Variants in SYN2 observed in about 807,000 individuals in gnomAD.
SYN2 encodes the protein synapsin II.
Under a neutral mutation model 50.9 loss-of-function variants are expected in SYN2, and 19 were observed. The ratio of observed to expected loss-of-function variants is 0.37; its 90% CI spans 0.26 to 0.55. The LOEUF (loss-of-function observed/expected upper bound fraction) is 0.55. SYN2 is among the 20% of genes least tolerant of loss of function. The pLI is 0.81. For missense variants in SYN2, 587 were observed against 576.4 expected (o/e 1.02, Z -0.19); for synonymous variants, 255 against 224.9 (o/e 1.13, Z -1.20).
chr3:12,036,509 GA>G (rs1694501411), intron 1 of SYN2, among the ~76,000 whole-genome samples: 1 of 152,190 alleles, frequency 6.6e-6, no homozygotes, highest in Non-Finnish European at 1.5e-5. Context: ...TGGGGAGTCT[GA>G]GGAACACTGT....
chr3:12,160,692 G>T (rs1346840159), intron 5 of SYN2, among the ~76,000 whole-genome samples: 4 of 152,220 alleles, frequency 2.6e-5, no homozygotes, highest in Non-Finnish European at 4.4e-5. Context: ...GGCCCAGTGA[G>T]ATACAGTGAC....
rs543597964 is a variant in SYN2 at position 12,161,467 on chromosome 3, T to A, written c.775-79T>A. 3.2e-5 allele frequency: 49 copies of A among 1,535,468 alleles called. No homozygotes were observed. In the African/African-American group the frequency reaches 5.3e-4, roughly 17 times the overall value. On this transcript the variant is annotated intron_variant, in intron 5 of 12. Transcript: ENST00000621198. ...CTTTAAAGAACCCTCCCAAGGGTAT[T>A]CCCAAGAAAAATATGTGTAGGATTC...
intron 1 of SYN2, among the ~76,000 whole-genome samples, chr3:12,079,788 G>T (rs1019336737): frequency 5.9e-5 from 9 of 152,092 alleles, no homozygotes; most frequent in Admixed American, 5.2e-4. Flanking sequence ...TCTCTGCCAG[G>T]TTTTGATATA....
chr3:12,153,452 A>G (rs966760874), intron 5 of SYN2: 6 of 1,585,662 alleles, frequency 3.8e-6, no homozygotes, highest in African/African-American at 1.3e-5. Flanking sequence ...AAAGCTCTGC[A>G]GGGAAGGAGA....
Position 12,191,842 on chromosome 3 carries a change from C to G in SYN2, c.*1217C>G, listed in dbSNP as rs1237717332. Among the ~76,000 whole-genome samples the G allele has an allele frequency of 6.6e-6, 1 of 152,150 alleles. No homozygotes were observed. Among genetic ancestry groups the G allele is most frequent in the Middle Eastern group, 3.2e-3 (1 of 316 alleles). On this transcript the variant is annotated 3_prime_UTR_variant, in exon 13 of 13. Coordinates refer to ENST00000621198, the MANE Select transcript of SYN2 (RefSeq NM_133625.6). ...ATGAGGCTGGACCAACCTGCTCTGA[C>G]AACCAGGCTCCCACAGATCTCAACG...
rs1436724473 is a variant in SYN2, at chr3:12,151,253, C to T, written c.701C>T (p.Ala234Val). 2 of 1,612,792 alleles carry T rather than the reference C, an allele frequency of 1.2e-6. No individual in the cohort carries two copies. The highest frequency in any genetic ancestry group is 2.2e-5 in the East Asian group (1 of 44,880). ...DKPWVFAQLV[A>V]IYKTLGGEKF... ...CTTTTGCAGTTTGCCCAGCTGGTCG[C>T]TATCTATAAGACACTGGGAGGAGAA... Residue 234 changes from alanine to valine, a missense_variant, in exon 5 of 13, where the codon GCT becomes GTT. Coordinates refer to ENST00000621198, the MANE Select transcript of SYN2 (RefSeq NM_133625.6).
At chr3:12,057,313 GTGTGTGTGTGTA>G (rs1201852014) in intron 1 of SYN2, among the ~76,000 whole-genome samples, 4 of 151,586 alleles carry the variant, frequency 2.6e-5, no homozygotes, top group African/African-American at 4.8e-5. Flanking sequence ...GTGTGTGTGT[GTGTGTGTGTGTA>G]TACTTTTTGA....
At chr3:12,175,843 A>G (rs1275350289) in intron 10 of SYN2, among the ~76,000 whole-genome samples, 1 of 152,208 alleles carries the variant, frequency 6.6e-6, no homozygotes, top group Non-Finnish European at 1.5e-5. Context: ...GAATAGAGGA[A>G]GGGGCATAAG....
intron 7 of SYN2, 139 bp downstream of exon 7, chr3:12,162,293 G>A: frequency 9.5e-7 from 1 of 1,051,314 alleles, no homozygotes; most frequent in East Asian, 2.6e-5. Flanking sequence ...TAAGTCAGAG[G>A]AGGGGTCTGT....
At position 12,099,617 on chromosome 3, in the gene SYN2, C is replaced by A. The variant is rs546684764; in HGVS notation, c.378-41034C>A. 1.7e-3 allele frequency among the ~76,000 whole-genome samples: 256 copies of A among 151,982 alleles called. 1 individual carries two copies. Among genetic ancestry groups the A allele is most frequent in the African/African-American group, 5.9e-3 (245 of 41,454 alleles). ...AGAAGGAAGATTTGAAAATTAATAA[C>A]CTAACTCTCCATCTTAAAAAAAAAT... On this transcript the variant is annotated intron_variant, in intron 1 of 12. Transcript: ENST00000621198.
chr3:12,104,794 C>T (rs1292474578), intron 1 of SYN2, among the ~76,000 whole-genome samples: 1 of 151,886 alleles, frequency 6.6e-6, no homozygotes, highest in Non-Finnish European at 1.5e-5. Flanking sequence ...AGGCTGGTCT[C>T]CTGACCTCAG....
At chr3:12,075,035 A>G (rs1028984710) in intron 1 of SYN2, among the ~76,000 whole-genome samples, 11 of 152,212 alleles carry the variant, frequency 7.2e-5, no homozygotes, top group African/African-American at 2.2e-4. Context: ...AATTAATTAT[A>G]TCATTGCACA....
intron 1 of SYN2, among the ~76,000 whole-genome samples, chr3:12,109,707 T>C (rs140857521): frequency 1.3e-5 from 2 of 152,248 alleles, no homozygotes; most frequent in East Asian, 3.9e-4. Context: ...GCTATATCTA[T>C]AACTCTTCTG....
intron 10 of SYN2, 65 bp downstream of exon 10, chr3:12,169,971 T>C (rs991372945): frequency 2.6e-6 from 4 of 1,517,504 alleles, no homozygotes; most frequent in Non-Finnish European, 3.5e-6. Flanking sequence ...CTCTAGATGT[T>C]GATGGCTAAA....
At chr3:12,036,455 G>A (rs1694500736) in intron 1 of SYN2, among the ~76,000 whole-genome samples, 1 of 152,170 alleles carries the variant, frequency 6.6e-6, no homozygotes, top group Admixed American at 6.5e-5. Context: ...TATGCCCTAT[G>A]GAGCTACAGC....
At chr3:12,169,979 A>G in intron 10 of SYN2, 73 bp downstream of exon 10, 2 of 1,504,842 alleles carry the variant, frequency 1.3e-6, no homozygotes, top group Non-Finnish European at 1.8e-6. Flanking sequence ...GTTGATGGCT[A>G]AAGAATGGAG....
At chr3:12,152,541 A>C (rs1412322807) in intron 5 of SYN2, among the ~76,000 whole-genome samples, 1 of 152,128 alleles carries the variant, frequency 6.6e-6, no homozygotes, top group South Asian at 2.1e-4. Context: ...TGCTGGAAAA[A>C]AACTGCCTTA....
At chr3:12,126,913 C>A (rs1297820546) in intron 1 of SYN2, among the ~76,000 whole-genome samples, 2 of 152,096 alleles carry the variant, frequency 1.3e-5, no homozygotes, top group Admixed American at 1.3e-4. Flanking sequence ...TATTTTTATT[C>A]TTCTTTGTTT....
intron 10 of SYN2, among the ~76,000 whole-genome samples, chr3:12,175,821 C>T (rs1207107919): frequency 6.6e-6 from 1 of 152,206 alleles, no homozygotes; most frequent in Non-Finnish European, 1.5e-5. Context: ...AGCTGCAGTA[C>T]ACATTTCAAA....
Sources: gnomAD v4.1 joint callset for allele counts (sites outside exome capture counted in the v4.1 genomes callset) on GRCh38, gnomAD v4.1.1 for gene constraint, MANE v1.5 for transcripts, NCBI Gene and HGNC (gene_info 2026-07-23, HGNC 2026-07-21) for gene names.